LCMT1: variants seen among roughly 807,000 people sequenced by gnomAD.
LCMT1 encodes [Phosphatase 2A protein]-leucine-carboxy methyltransferase 1.
LCMT1 carries 32 observed loss-of-function variants against 47.7 expected under a neutral mutation model. The observed-to-expected ratio is 0.67, with a 90% CI of 0.51 to 0.90. The LOEUF (loss-of-function observed/expected upper bound fraction) is 0.90. Among genes scored for constraint, LCMT1 ranks in the 40% least tolerant of loss-of-function variants. LCMT1 has a pLI of 0.00. For missense variants in LCMT1, 375 were observed against 415.2 expected, an observed-to-expected ratio of 0.90 and a Z score of 0.84; for synonymous variants, 152 against 149.7, an observed-to-expected ratio of 1.02 and a Z score of -0.11.
intron 4 of LCMT1, chr16:25,148,170 A>AGT (rs1233379233): frequency 1.3e-5 from 2 of 152,392 alleles, no homozygotes; most frequent in Non-Finnish European, 2.9e-5. Context: ...CCCAAAACCG[A>AGT]GTGCCAGCTT....
chr16:25,151,012 G>A (rs934274528), intron 4 of LCMT1, among the ~76,000 whole-genome samples: 1 of 152,166 alleles, frequency 6.6e-6, no homozygotes. Context: ...CAGAAAGTGT[G>A]TTGGTGTTTG....
intron 1 of LCMT1, among the ~76,000 whole-genome samples, chr16:25,118,567 ATATGTG>A (rs1567305889): frequency 2.0e-5 from 3 of 151,994 alleles, no homozygotes; most frequent in African/African-American, 7.3e-5. Context: ...AATCAGCACA[ATATGTG>A]TCGTGTGAGA....
rs542295852 is a variant in LCMT1 at position 25,175,492 on chromosome 16, C to T, written c.982+458C>T. On this transcript the variant is annotated intron_variant, in intron 10 of 10. Coordinates refer to ENST00000399069, the MANE Select transcript of LCMT1 (RefSeq NM_016309.3). Reference sequence around the variant, plus strand: ...TACAAAAAAAAAAAAAATAGCCAGGCGTGGTGGCAGGCACCTGTAATCCCA... The same window carrying T: ...TACAAAAAAAAAAAAAATAGCCAGGTGTGGTGGCAGGCACCTGTAATCCCA... 8.0e-5 allele frequency among the ~76,000 whole-genome samples: 12 copies of T among 150,932 alleles called. No homozygotes were observed. The South Asian group carries it at 1.3e-3, about 16-fold the overall frequency.
chr16:25,163,263 T>C (rs1263042130), intron 6 of LCMT1, among the ~76,000 whole-genome samples: 1 of 152,106 alleles, frequency 6.6e-6, no homozygotes, highest in Non-Finnish European at 1.5e-5. Flanking sequence ...GGTCAAGAGA[T>C]TGAGACCAGC....
chr16:25,112,089 C>A, intron 1 of LCMT1, 93 bp downstream of exon 1: 1 of 822,332 alleles, frequency 1.2e-6, no homozygotes, highest in Non-Finnish European at 2.1e-6. Flanking sequence ...TCAAGGCTGG[C>A]AGGGATGCAG....
chr16:25,169,849 A>G (rs904666879), intron 8 of LCMT1, among the ~76,000 whole-genome samples: 3 of 152,080 alleles, frequency 2.0e-5, no homozygotes, highest in Admixed American at 2.0e-4. Flanking sequence ...CTTTGACTCT[A>G]TGTTAATGCC....
intron 2 of LCMT1, among the ~76,000 whole-genome samples, chr16:25,130,877 A>G (rs1960332245): frequency 6.6e-6 from 1 of 152,224 alleles, no homozygotes; most frequent in Non-Finnish European, 1.5e-5. Flanking sequence ...AGCAGCCTGA[A>G]TGTGTTAAGT....
intron 5 of LCMT1, among the ~76,000 whole-genome samples, chr16:25,157,771 A>C (rs973141511): frequency 1.3e-5 from 2 of 152,158 alleles, no homozygotes; most frequent in African/African-American, 4.8e-5. Flanking sequence ...GCCTGGATTT[A>C]ATCACTTGTG....
At chr16:25,174,422 C>A (rs1030676389) in intron 9 of LCMT1, among the ~76,000 whole-genome samples, 1 of 152,130 alleles carries the variant, frequency 6.6e-6, no homozygotes, top group African/African-American at 2.4e-5. Flanking sequence ...ACAAATTTGT[C>A]TCACTTTTTC....
intron 3 of LCMT1, among the ~76,000 whole-genome samples, chr16:25,138,734 G>T (rs1231081778): frequency 1.3e-5 from 2 of 151,996 alleles, no homozygotes; most frequent in Non-Finnish European, 2.9e-5. Flanking sequence ...TTTCCTTCTT[G>T]CCCTGGCACC....
At chr16:25,158,334 A>G (rs1202099956) in intron 5 of LCMT1, among the ~76,000 whole-genome samples, 1 of 152,168 alleles carries the variant, frequency 6.6e-6, no homozygotes, top group Non-Finnish European at 1.5e-5. Flanking sequence ...TATTTTTAGT[A>G]GAGATTCTGG....
At chr16:25,151,698 T>TGTGTGG in intron 5 of LCMT1, 83 bp downstream of exon 5, 1 of 702,244 alleles carries the variant, frequency 1.4e-6, no homozygotes. Context: ...TTGTGTTGGG[T>TGTGTGG]GTGTGTGTGT....
rs779579561 is a variant in LCMT1 at position 25,170,814 on chromosome 16, T to C, written c.884+9T>C. 5 of 1,583,468 alleles carry C rather than the reference T, an allele frequency of 3.2e-6. No individual in the cohort carries two copies. Among genetic ancestry groups the C allele is most frequent in the Non-Finnish European group, 4.3e-6 (5 of 1,158,094 alleles). ...CGAGCTGAAGTGAGCAGGTATGGGGTTGGTGAGCGTCAGCTTGATGGGCAT... is the reference window on the plus strand; with the variant it reads ...CGAGCTGAAGTGAGCAGGTATGGGGCTGGTGAGCGTCAGCTTGATGGGCAT... On this transcript the variant is annotated intron_variant, in intron 9 of 10. Coordinates refer to ENST00000399069, the MANE Select transcript of LCMT1 (RefSeq NM_016309.3).
intron 1 of LCMT1, among the ~76,000 whole-genome samples, chr16:25,123,581 C>G (rs1007435203): frequency 6.9e-6 from 1 of 145,192 alleles, no homozygotes; most frequent in African/African-American, 2.5e-5. Context: ...TCATGCTTGA[C>G]TTCCCGTTAA....
chr16:25,146,360 TGA>T (rs1321302424), intron 4 of LCMT1: 1 of 152,484 alleles, frequency 6.6e-6, no homozygotes, highest in African/African-American at 2.4e-5. Flanking sequence ...GAAAGCTTGG[TGA>T]GGAGTGGCGG....
At chr16:25,130,163 A>G (rs1597569171) in intron 2 of LCMT1, among the ~76,000 whole-genome samples, 1 of 151,658 alleles carries the variant, frequency 6.6e-6, no homozygotes, top group Non-Finnish European at 1.5e-5. Context: ...ACACGGTGAA[A>G]CCCCGTCTCT....
At chr16:25,160,840 G>A (rs186276661) in intron 5 of LCMT1, 141 of 601,436 alleles carry the variant, frequency 2.3e-4, no homozygotes, top group Admixed American at 4.2e-4. Context: ...ATGTGTGTGC[G>A]CACCATGTGC....
chr16:25,169,248 C>A, intron 8 of LCMT1, 35 bp downstream of exon 8: 1 of 1,329,170 alleles, frequency 7.5e-7, no homozygotes, highest in Non-Finnish European at 1.1e-6. Flanking sequence ...CCATTTGGAC[C>A]CTTAGTCAAC....
chr16:25,127,673 A>G (rs71391596), intron 1 of LCMT1, among the ~76,000 whole-genome samples: 133 of 152,326 alleles, frequency 8.7e-4, no homozygotes, highest in Non-Finnish European at 1.5e-3. Flanking sequence ...GGCTGCAAGT[A>G]ACAGAAGCCT....
Sources: allele counts gnomAD v4.1 joint callset (sites outside exome capture counted in the v4.1 genomes callset), GRCh38; gene constraint gnomAD v4.1.1; transcripts MANE v1.5; gene names NCBI Gene and HGNC (gene_info 2026-07-23, HGNC 2026-07-21).